TNPO1: variants seen among roughly 807,000 people sequenced by gnomAD.
The protein encoded by TNPO1 is transportin 1.
TNPO1 carries 8 observed loss-of-function variants against 119.5 expected under a neutral mutation model. That is an observed-to-expected ratio of 0.07 (90% CI 0.04 to 0.12). TNPO1 has a LOEUF of 0.12. TNPO1 is among the 10% of genes least tolerant of loss of function. The probability of loss-of-function intolerance (pLI) is 1.00; values close to 1 mark genes in which losing one functional copy is unlikely to be tolerated. For synonymous variants in TNPO1, 362 were observed against 363.0 expected, an observed-to-expected ratio of 1.00 and a Z score of 0.03; for missense variants, 576 against 1,089.8, an observed-to-expected ratio of 0.53 and a Z score of 6.64.
chr5:72,893,485 C>G lies in TNPO1; in HGVS notation c.2005C>G (p.Gln669Glu), dbSNP rs1749210743. The change falls in exon 17 of 25, where the codon CAG (glutamine) becomes GAG (glutamate). Residue 669 changes from glutamine to glutamate, a missense_variant. This residue lies in a region of TNPO1 where 162 missense variants were observed against 294.1 expected (regional missense o/e 0.55). Coordinates refer to ENST00000337273, the MANE Select transcript of TNPO1 (RefSeq NM_002270.4). The stretch of plus-strand genomic sequence containing the variant: ...TGAAGGACTTGGAGGCAACATTGAA[C>G]AGCTGGTAGCCCGAAGTAACATCCT... ...LAEGLGGNIEQLVARSNILTL... is the reference protein window; with the variant it reads ...LAEGLGGNIEELVARSNILTL... 6.2e-7 allele frequency: 1 copy of G among 1,614,208 alleles called. No individual in the cohort carries two copies. The highest frequency in any genetic ancestry group is 8.5e-7 in the Non-Finnish European group (1 of 1,180,040).
intron 20 of TNPO1, among the ~76,000 whole-genome samples, chr5:72,899,342 A>G (rs1749654960): frequency 2.0e-5 from 3 of 152,200 alleles, no homozygotes; most frequent in Non-Finnish European, 1.5e-5. Flanking sequence ...ACATTGTAGC[A>G]TAGCAATATT....
At chr5:72,826,515 A>T (rs1253878810) in intron 1 of TNPO1, among the ~76,000 whole-genome samples, 1 of 152,128 alleles carries the variant, frequency 6.6e-6, no homozygotes, top group Non-Finnish European at 1.5e-5. Context: ...AGAGGGCAAG[A>T]TCTTTGTTTT....
At chr5:72,851,641 G>A (rs1180749399) in intron 3 of TNPO1, among the ~76,000 whole-genome samples, 6 of 152,230 alleles carry the variant, frequency 3.9e-5, no homozygotes, top group Non-Finnish European at 5.9e-5. Flanking sequence ...ACAGGCATGC[G>A]CCATCACATC....
intron 3 of TNPO1, 92 bp downstream of exon 3, chr5:72,851,411 G>T (rs1435414178): frequency 3.9e-6 from 3 of 766,924 alleles, no homozygotes; most frequent in African/African-American, 1.8e-5. Context: ...ATTTCATTTT[G>T]TAGTAACCTT....
At position 72,905,425 on chromosome 5, in the gene TNPO1, G is replaced by A. The variant is rs1341651509; in HGVS notation, c.*15G>A. 6.4e-7 allele frequency: 1 copy of A among 1,555,372 alleles called. No individual in the cohort carries two copies. The highest frequency in any genetic ancestry group is 2.0e-5 in the Admixed American group (1 of 50,804). On this transcript the variant is annotated 3_prime_UTR_variant, in exon 24 of 25. Transcript: ENST00000337273. ...ATGGTGTTTAATCTAATACACTTAA[G>A]CTGCAGTCCCAAAATTAGGGGTAAG...
chr5:72,868,285 A>G (rs751130301), intron 6 of TNPO1, among the ~76,000 whole-genome samples: 4 of 151,950 alleles, frequency 2.6e-5, no homozygotes, highest in Non-Finnish European at 5.9e-5. Flanking sequence ...ACAAAAAATT[A>G]GCCGGGCATG....
intron 1 of TNPO1, among the ~76,000 whole-genome samples, chr5:72,837,085 C>A (rs191530993): frequency 2.0e-5 from 3 of 152,304 alleles, no homozygotes; most frequent in Admixed American, 2.0e-4. Flanking sequence ...TTACCCATTA[C>A]CCAATTGCAA....
chr5:72,872,603 A>G, intron 6 of TNPO1, 36 bp from the exon 7 acceptor site: 1 of 1,471,030 alleles, frequency 6.8e-7, no homozygotes, highest in African/African-American at 1.4e-5. Context: ...ACAAAGTTAC[A>G]ATGAGCATAT....
At chr5:72,864,506 T>A (rs1746734177) in intron 5 of TNPO1, among the ~76,000 whole-genome samples, 1 of 152,232 alleles carries the variant, frequency 6.6e-6, no homozygotes, top group Non-Finnish European at 1.5e-5. Context: ...TATAGGAAAA[T>A]GGTTGCCAAT....
intron 6 of TNPO1, among the ~76,000 whole-genome samples, chr5:72,866,365 T>G (rs1746900825): frequency 6.6e-6 from 1 of 152,228 alleles, no homozygotes; most frequent in Non-Finnish European, 1.5e-5. Context: ...GGATAGGAGT[T>G]CACGTTTCCA....
chr5:72,882,655 AG>A, intron 10 of TNPO1, 128 bp downstream of exon 10: 1 of 615,726 alleles, frequency 1.6e-6, no homozygotes, highest in East Asian at 2.7e-5. Flanking sequence ...TATCCATAAT[AG>A]GATAGAAGCA....
rs1750688116 is a variant in TNPO1, at chr5:72,913,372, T to A, written c.*4699T>A. On this transcript the variant is annotated 3_prime_UTR_variant, in exon 25 of 25. Transcript: ENST00000337273. ...CTTTATGCCTAGTTATTATACATAT[T>A]AATTTTTAAGGTATACATTTAAATT... The A allele has an allele frequency of 6.6e-6, 1 of 152,392 alleles. No individual in the cohort carries two copies. The allele number at this position is 152,392 out of a possible 1,614,324, so 9.4% of individuals were successfully genotyped here.
Position 72,908,919 on chromosome 5 carries a change from T to C in TNPO1, c.*246T>C. ...TTGTGGGTGGAAATATGTCTCCAGT[T>C]ACAACTCCGCAGTGGATGTGAAGAA... On this transcript the variant is annotated 3_prime_UTR_variant, in exon 25 of 25. Transcript: ENST00000337273. The C allele has an allele frequency of 2.2e-6, 1 of 453,274 alleles. No homozygotes were observed. Among genetic ancestry groups the C allele is most frequent in the Non-Finnish European group, 4.4e-6 (1 of 225,456 alleles). 28.1% of individuals were successfully genotyped at this position (453,274 alleles called of 1,614,324 possible).
At chr5:72,857,625 G>T (rs1246577693) in intron 4 of TNPO1, among the ~76,000 whole-genome samples, 1 of 152,248 alleles carries the variant, frequency 6.6e-6, no homozygotes, top group African/African-American at 2.4e-5. Context: ...TACGTAAGTG[G>T]AATGGAATTT....
At chr5:72,888,029 A>T (rs779205880) in intron 12 of TNPO1, 49 bp from the exon 13 acceptor site, 84 of 1,563,550 alleles carry the variant, frequency 5.4e-5, no homozygotes, top group Non-Finnish European at 7.3e-5. Flanking sequence ...ATCAACCAAA[A>T]TAATGTTAAC....
At chr5:72,854,258 G>A (rs1236282546) in intron 3 of TNPO1, among the ~76,000 whole-genome samples, 2 of 152,186 alleles carry the variant, frequency 1.3e-5, no homozygotes, top group Non-Finnish European at 2.9e-5. Context: ...GTCTCGCAAT[G>A]GGTTGTAATT....
Position 72,908,988 on chromosome 5 carries a change from A to G in TNPO1, c.*315A>G, listed in dbSNP as rs1208235419. The G allele has an allele frequency of 4.8e-6, 2 of 418,486 alleles. No homozygotes were observed. Among genetic ancestry groups the G allele is most frequent in the Non-Finnish European group, 9.5e-6 (2 of 209,654 alleles). The allele number at this position is 418,486 out of a possible 1,614,324, so 25.9% of individuals were successfully genotyped here. A position where few individuals can be genotyped will look rare whatever the true frequency, so the allele number is the denominator to read the frequency against. On this transcript the variant is annotated 3_prime_UTR_variant, in exon 25 of 25. Coordinates refer to ENST00000337273, the MANE Select transcript of TNPO1 (RefSeq NM_002270.4). ...ATTCAGTCTACTCACAAAACAGTACATTGTGGAATATTATGGGGAATTGTA... is the reference window on the plus strand; with the variant it reads ...ATTCAGTCTACTCACAAAACAGTACGTTGTGGAATATTATGGGGAATTGTA...
At position 72,872,793 on chromosome 5, in the gene TNPO1, C is replaced by T. The variant is rs571010795; in HGVS notation, c.678+73C>T. 5 of 804,188 alleles carry T rather than the reference C, an allele frequency of 6.2e-6. No individual in the cohort carries two copies. The African/African-American group carries it at 8.8e-5, about 14-fold the overall frequency. The allele number at this position is 804,188 out of a possible 1,614,324, so 49.8% of individuals were successfully genotyped here. On this transcript the variant is annotated intron_variant, in intron 7 of 24. Transcript: ENST00000337273. ...TGAGAAGGTTAGGTGATGCTAACTG[C>T]ATGTAGTTTTGCTTTAAAACAAGAA...
At chr5:72,823,430 C>A (rs1040043545) in intron 1 of TNPO1, among the ~76,000 whole-genome samples, 1 of 152,154 alleles carries the variant, frequency 6.6e-6, no homozygotes, top group African/African-American at 2.4e-5. Flanking sequence ...CACAGTGATA[C>A]CCTCGTGCAC....
Sources: gnomAD v4.1 joint callset for allele counts (sites outside exome capture counted in the v4.1 genomes callset) on GRCh38, gnomAD v4.1.1 for gene constraint, gnomAD v4.1.1 regional missense constraint, MANE v1.5 for transcripts, NCBI Gene and HGNC (gene_info 2026-07-23, HGNC 2026-07-21) for gene names.